Variants in NBAS observed in about 807,000 individuals in gnomAD.
NBAS encodes the protein NBAS subunit of NRZ tethering complex, also known as NAG/BC035112 fusion.
In NBAS, 219 loss-of-function variants were observed where a neutral mutation model predicts 302.5. The observed-to-expected ratio is 0.72, with a 90% CI of 0.65 to 0.81. The LOEUF (loss-of-function observed/expected upper bound fraction) is 0.81. Among genes scored for constraint, NBAS ranks in the 30% least tolerant of loss-of-function variants. The pLI, the probability that NBAS is intolerant of heterozygous loss-of-function variation, is 0.00. For synonymous variants in NBAS, 1,118 were observed against 1,021.6 expected (o/e 1.09, Z -1.80); for missense variants, 2,932 against 2,841.6 (o/e 1.03, Z -0.72).
the NBAS span, among the ~76,000 whole-genome samples, chr2:14,836,920 T>C: frequency 2.0e-5 from 3 of 151,908 alleles, no homozygotes; most frequent in African/African-American, 7.2e-5. Context: ...TGTTTCCTAA[T>C]TGCAAGAGGC....
intron 43 of NBAS, among the ~76,000 whole-genome samples, chr2:15,276,268 C>G (rs1438701352): frequency 6.6e-6 from 1 of 152,170 alleles, no homozygotes; most frequent in African/African-American, 2.4e-5. Context: ...ATTCAGAAAA[C>G]AACTGATAAA....
At chr2:15,058,030 T>C in the NBAS span, among the ~76,000 whole-genome samples, 5 of 152,230 alleles carry the variant, frequency 3.3e-5, no homozygotes, top group Admixed American at 2.6e-4. Context: ...TGGAAAATAG[T>C]GTGGAGATTC....
At chr2:15,113,633 T>A in the NBAS span, among the ~76,000 whole-genome samples, 1 of 152,176 alleles carries the variant, frequency 6.6e-6, no homozygotes, top group East Asian at 1.9e-4. Flanking sequence ...TGCAGTAAAA[T>A]GAAACATTCT....
At chr2:15,000,544 A>G in the NBAS span, among the ~76,000 whole-genome samples, 1 of 152,156 alleles carries the variant, frequency 6.6e-6, no homozygotes, top group South Asian at 2.1e-4. Context: ...GCTATGACCT[A>G]AACTGAAACT....
chr2:15,072,108 T>C, the NBAS span, among the ~76,000 whole-genome samples: 1 of 152,244 alleles, frequency 6.6e-6, no homozygotes, highest in African/African-American at 2.4e-5. Context: ...TCTGGAGATA[T>C]TTTCTCATTA....
At chr2:14,825,881 G>A in the NBAS span, among the ~76,000 whole-genome samples, 1 of 152,154 alleles carries the variant, frequency 6.6e-6, no homozygotes, top group Admixed American at 6.5e-5. Context: ...GAAAGGACAC[G>A]GGTGTTCCAG....
intron 38 of NBAS, among the ~76,000 whole-genome samples, chr2:15,310,705 C>T (rs1008262268): frequency 1.3e-5 from 2 of 152,176 alleles, no homozygotes; most frequent in African/African-American, 2.4e-5. Context: ...CCTATTACTT[C>T]CCACGAAACC....
At chr2:15,098,313 G>GTATACTA in the NBAS span, among the ~76,000 whole-genome samples, 9 of 1,622 alleles carry the variant, frequency 5.5e-3, 3 homozygotes, top group South Asian at 0.024. Flanking sequence ...ATAATATATT[G>GTATACTA]TATATCATAT....
At chr2:14,841,158 CATG>C in the NBAS span, among the ~76,000 whole-genome samples, 4 of 151,498 alleles carry the variant, frequency 2.6e-5, no homozygotes, top group African/African-American at 4.8e-5. Context: ...TTGAAAGATT[CATG>C]ATAACCACAA....
chr2:15,450,573 T>C (rs969577547), intron 21 of NBAS, among the ~76,000 whole-genome samples: 3 of 152,162 alleles, frequency 2.0e-5, no homozygotes, highest in African/African-American at 7.2e-5. Flanking sequence ...CCCCACTAGA[T>C]TACAAATTTA....
intron 16 of NBAS, among the ~76,000 whole-genome samples, chr2:15,471,275 C>T (rs779439378): frequency 6.6e-6 from 1 of 152,082 alleles, no homozygotes; most frequent in African/African-American, 2.4e-5. Flanking sequence ...AAAGAAAATA[C>T]AAGCAACTTT....
the NBAS span, among the ~76,000 whole-genome samples, chr2:14,838,451 G>A: frequency 6.6e-6 from 1 of 151,822 alleles, no homozygotes; most frequent in Non-Finnish European, 1.5e-5. Context: ...AGTTTTCTGA[G>A]AAAATTTTCT....
rs1490191757 is a variant in NBAS at position 15,474,263 on chromosome 2, T to C, written c.1403A>G (p.Glu468Gly). The change falls in exon 15 of 52, where the codon GAA becomes GGA. Residue 468 changes from glutamate (E) to glycine (G), a missense_variant. Coordinates refer to ENST00000281513, the MANE Select transcript of NBAS (RefSeq NM_015909.4). The stretch of plus-strand genomic sequence containing the variant: ...ATCAGAATCAGAATCCTCTTCTCCT[T>C]CATCTTCTTCTCCAGCTCTAGTCTC... ...RLETRAGEED[E>G]GEEDSDSDYE... is the part of the protein sequence containing the mutation. The C allele has an allele frequency of 1.2e-6, 2 of 1,613,988 alleles. No individual in the cohort carries two copies. Among genetic ancestry groups the C allele is most frequent in the East Asian group, 2.2e-5 (1 of 44,878 alleles).
the NBAS span, among the ~76,000 whole-genome samples, chr2:14,966,855 A>C: frequency 6.6e-6 from 1 of 152,176 alleles, no homozygotes; most frequent in East Asian, 1.9e-4. Flanking sequence ...AAAATAGTAA[A>C]ACTCTTTGTT....
intron 32 of NBAS, among the ~76,000 whole-genome samples, chr2:15,361,346 C>T (rs1381550469): frequency 6.6e-6 from 1 of 152,014 alleles, no homozygotes; most frequent in Admixed American, 6.6e-5. Context: ...AATCCCATCT[C>T]TACTAAAAAT....
At chr2:14,815,320 C>G in the NBAS span, among the ~76,000 whole-genome samples, 1 of 152,310 alleles carries the variant, frequency 6.6e-6, no homozygotes, top group African/African-American at 2.4e-5. Flanking sequence ...GTGATTCAAA[C>G]TACCAACTAC....
At chr2:15,140,025 T>C in the NBAS span, among the ~76,000 whole-genome samples, 1 of 152,166 alleles carries the variant, frequency 6.6e-6, no homozygotes, top group Non-Finnish European at 1.5e-5. Flanking sequence ...CAATATGACT[T>C]CCAAGGCTAG....
At position 15,179,111 on chromosome 2, in the gene NBAS, C is replaced by CA; in HGVS notation, c.6716dup (p.Lys2240GlufsTer9). The CA allele has an allele frequency of 6.2e-7, 1 of 1,614,168 alleles. No homozygotes were observed. Among genetic ancestry groups the CA allele is most frequent in the Non-Finnish European group, 8.5e-7 (1 of 1,180,026 alleles). On this transcript the variant is annotated frameshift_variant, in exon 51 of 52. Coordinates refer to ENST00000281513, the MANE Select transcript of NBAS (RefSeq NM_015909.4). LOFTEE classifies it high-confidence loss of function. ...TAAGCAGCAGCAGACACAGCTCCTTCACACCCTGAAACCACAGAGCAGGGG... is the reference window on the plus strand; with the variant it reads ...TAAGCAGCAGCAGACACAGCTCCTTCAACACCCTGAAACCACAGAGCAGGGG...
chr2:14,817,327 A>G, the NBAS span, among the ~76,000 whole-genome samples: 1 of 152,230 alleles, frequency 6.6e-6, no homozygotes, highest in Non-Finnish European at 1.5e-5. Context: ...ATCCACTTCC[A>G]GGAAGGACCA....
Sources: allele counts gnomAD v4.1 joint callset (sites outside exome capture counted in the v4.1 genomes callset), GRCh38; gene constraint gnomAD v4.1.1; transcripts MANE v1.5; gene names NCBI Gene and HGNC (gene_info 2026-07-23, HGNC 2026-07-21).